Variants in GPC5 observed in about 807,000 individuals in gnomAD.
The protein encoded by GPC5 is glypican-5.
A neutral mutation model predicts 53.9 loss-of-function variants in GPC5; 47 were observed. The observed-to-expected ratio is 0.87, with a 90% CI of 0.69 to 1.11. The LOEUF (loss-of-function observed/expected upper bound fraction) is 1.11. Ranked by LOEUF, GPC5 falls within the 50% of genes most tolerant of loss-of-function variation. The pLI, the probability that GPC5 is intolerant of heterozygous loss-of-function variation, is 0.00. For synonymous variants in GPC5, 286 were observed against 263.3 expected (o/e 1.09, Z -0.84); for missense variants, 748 against 713.1 (o/e 1.05, Z -0.56).
rs1226256272 is a variant in GPC5, at chr13:92,650,285, G to T, written c.1562-215997G>T. The stretch of plus-strand genomic sequence containing the variant: ...AGGATAACAAGTGAAACAGCAAAAG[G>T]ACTCATTTTCCATTTGATATCTTAC... On this transcript the variant is annotated intron_variant, in intron 7 of 7. Transcript: ENST00000377067. Among the ~76,000 whole-genome samples, 7 of 152,030 alleles carry T rather than the reference G, an allele frequency of 4.6e-5. No homozygotes were observed. The East Asian group carries it at 1.3e-3, about 29-fold the overall frequency.
intron 7 of GPC5, among the ~76,000 whole-genome samples, chr13:92,764,478 G>T (rs1485769510): frequency 6.6e-6 from 1 of 152,190 alleles, no homozygotes; most frequent in Non-Finnish European, 1.5e-5. Flanking sequence ...CCCTCAACTG[G>T]AATCAGTCCC....
chr13:92,461,596 T>C (rs894532745), intron 7 of GPC5, among the ~76,000 whole-genome samples: 2 of 152,166 alleles, frequency 1.3e-5, no homozygotes, highest in African/African-American at 4.8e-5. Flanking sequence ...TGATAGTAAC[T>C]GGAGATTATG....
chr13:92,089,109 G>A (rs1005455368), intron 6 of GPC5, among the ~76,000 whole-genome samples: 2 of 152,104 alleles, frequency 1.3e-5, no homozygotes. Flanking sequence ...TAGAAAATGT[G>A]TATTGGCTAT....
chr13:91,537,735 G>A (rs1185837411), intron 2 of GPC5, among the ~76,000 whole-genome samples: 2 of 152,110 alleles, frequency 1.3e-5, no homozygotes, highest in East Asian at 1.9e-4. Flanking sequence ...ACTACTGACC[G>A]ATATCTCTTA....
intron 7 of GPC5, among the ~76,000 whole-genome samples, chr13:92,467,627 T>C (rs537667549): frequency 6.6e-6 from 1 of 152,166 alleles, no homozygotes; most frequent in Admixed American, 6.6e-5. Flanking sequence ...CTGAATCACA[T>C]AGAGGTAAAA....
At chr13:91,834,632 A>T (rs1178990997) in intron 5 of GPC5, among the ~76,000 whole-genome samples, 1 of 152,178 alleles carries the variant, frequency 6.6e-6, no homozygotes, top group Non-Finnish European at 1.5e-5. Context: ...ACTAACAAAA[A>T]CAAGCAATGG....
At chr13:92,818,695 A>C (rs1378456094) in intron 7 of GPC5, among the ~76,000 whole-genome samples, 1 of 152,018 alleles carries the variant, frequency 6.6e-6, no homozygotes, top group African/African-American at 2.4e-5. Flanking sequence ...GTATTTTTGC[A>C]GAAGATCTGT....
chr13:91,474,700 T>C (rs1882832052), intron 2 of GPC5, among the ~76,000 whole-genome samples: 1 of 152,152 alleles, frequency 6.6e-6, no homozygotes, highest in Non-Finnish European at 1.5e-5. Flanking sequence ...AATGGTTTCC[T>C]AGCATTGGTA....
intron 6 of GPC5, among the ~76,000 whole-genome samples, chr13:92,083,758 A>G (rs1360343333): frequency 6.6e-6 from 1 of 152,176 alleles, no homozygotes; most frequent in East Asian, 1.9e-4. Flanking sequence ...GAATTGCCAC[A>G]CTGTCTTCCA....
intron 6 of GPC5, among the ~76,000 whole-genome samples, chr13:92,118,999 G>A (rs898657660): frequency 2.6e-5 from 4 of 152,162 alleles, no homozygotes; most frequent in African/African-American, 9.7e-5. Context: ...TGCCTATTGT[G>A]TATTAGTCTG....
chr13:92,395,550 C>T (rs1262604101), intron 7 of GPC5, among the ~76,000 whole-genome samples: 2 of 152,172 alleles, frequency 1.3e-5, no homozygotes, highest in African/African-American at 4.8e-5. Context: ...TTTATTCCAT[C>T]TTCAACACTC....
intron 6 of GPC5, among the ~76,000 whole-genome samples, chr13:91,937,217 C>G (rs2039879399): frequency 6.6e-6 from 1 of 152,064 alleles, no homozygotes; most frequent in Non-Finnish European, 1.5e-5. Context: ...GTCCCATTAG[C>G]TTGGGAGTCC....
intron 7 of GPC5, among the ~76,000 whole-genome samples, chr13:92,587,483 A>G (rs1251777889): frequency 2.0e-5 from 3 of 151,278 alleles, no homozygotes; most frequent in Non-Finnish European, 4.4e-5. Context: ...TTTTTATTAT[A>G]CCACCCCATT....
At chr13:92,184,694 A>G (rs1048161365) in intron 7 of GPC5, among the ~76,000 whole-genome samples, 1 of 152,212 alleles carries the variant, frequency 6.6e-6, no homozygotes, top group Non-Finnish European at 1.5e-5. Flanking sequence ...ATTTTAATTC[A>G]GCCTATCTAA....
At chr13:92,216,450 G>T (rs1032290307) in intron 7 of GPC5, among the ~76,000 whole-genome samples, 4 of 152,126 alleles carry the variant, frequency 2.6e-5, no homozygotes, top group Admixed American at 2.6e-4. Context: ...TTGTCAACAC[G>T]CAGCAGGCAG....
intron 7 of GPC5, among the ~76,000 whole-genome samples, chr13:92,292,822 T>C (rs12864515): frequency 0.085 from 13,015 of 152,268 alleles, 616 homozygotes; most frequent in Middle Eastern, 0.12. Context: ...GTGCTTAATC[T>C]ATCTTGAGTT....
intron 7 of GPC5, among the ~76,000 whole-genome samples, chr13:92,350,909 C>T (rs1217834700): frequency 6.6e-6 from 1 of 151,974 alleles, no homozygotes; most frequent in Non-Finnish European, 1.5e-5. Context: ...TCAAATTTCT[C>T]AACACAAACA....
chr13:92,591,544 A>T (rs545525120), intron 7 of GPC5, among the ~76,000 whole-genome samples: 1 of 152,306 alleles, frequency 6.6e-6, no homozygotes, highest in East Asian at 1.9e-4. Flanking sequence ...GAAATGGTAA[A>T]ATCTAGCTAG....
Position 92,652,500 on chromosome 13 carries a change from T to C in GPC5, c.1562-213782T>C, listed in dbSNP as rs189296771. Among the ~76,000 whole-genome samples, 210 of 152,270 alleles carry C rather than the reference T, an allele frequency of 1.4e-3. 1 individual carries two copies. The highest frequency in any genetic ancestry group is 5.0e-3 in the African/African-American group (206 of 41,552). On this transcript the variant is annotated intron_variant, in intron 7 of 7. Coordinates refer to ENST00000377067, the MANE Select transcript of GPC5 (RefSeq NM_004466.6). ...TTCTCTGCTGGTTCACTGCAGGCTG[T>C]CTTCTGCCTTTACCTCTCTACTCAG...
Sources: allele counts gnomAD v4.1 joint callset (sites outside exome capture counted in the v4.1 genomes callset), GRCh38; gene constraint gnomAD v4.1.1; transcripts MANE v1.5; gene names NCBI Gene and HGNC (gene_info 2026-07-23, HGNC 2026-07-21).